MAGI2: variants seen among roughly 807,000 people sequenced by gnomAD.
The protein encoded by MAGI2 is membrane-associated guanylate kinase, WW and PDZ domain-containing protein 2.
A neutral mutation model predicts 133.3 loss-of-function variants in MAGI2; 35 were observed. The ratio of observed to expected loss-of-function variants is 0.26; its 90% CI spans 0.20 to 0.35. MAGI2 has a LOEUF of 0.35. Ranked by LOEUF, MAGI2 falls within the 10% of genes least tolerant of loss-of-function variation. MAGI2 has a pLI of 1.00. For synonymous variants in MAGI2, 729 were observed against 710.6 expected, an observed-to-expected ratio of 1.03 and a Z score of -0.41; for missense variants, 1,636 against 1,863.4, an observed-to-expected ratio of 0.88 and a Z score of 2.25.
chr7:78,775,944 G>A (rs971014546), intron 2 of MAGI2, among the ~76,000 whole-genome samples: 2 of 152,068 alleles, frequency 1.3e-5, no homozygotes, highest in African/African-American at 4.8e-5. Context: ...TTCTACTCTC[G>A]TGTGAACCTG....
At chr7:79,125,713 C>G in intron 1 of MAGI2, 5 of 527,196 alleles carry the variant, frequency 9.5e-6, no homozygotes, top group South Asian at 6.9e-5. Context: ...GGCAGAAGCT[C>G]TGGCCCCTAT....
chr7:78,230,493 A>C (rs766170334), intron 10 of MAGI2, among the ~76,000 whole-genome samples: 18 of 152,098 alleles, frequency 1.2e-4, no homozygotes, highest in Non-Finnish European at 2.2e-4. Context: ...TTTTTTTTAG[A>C]GAATAACTTT....
intron 1 of MAGI2, among the ~76,000 whole-genome samples, chr7:79,270,105 C>T (rs1834772415): frequency 1.3e-5 from 2 of 152,066 alleles, no homozygotes; most frequent in African/African-American, 4.8e-5. Context: ...GTCCTGCGGC[C>T]CCACCCAGAG....
chr7:79,427,824 T>C (rs1847500020), intron 1 of MAGI2, among the ~76,000 whole-genome samples: 1 of 151,898 alleles, frequency 6.6e-6, no homozygotes, highest in Non-Finnish European at 1.5e-5. Context: ...ACTTGCTGGA[T>C]GGATTGGGCA....
chr7:78,562,034 A>AG (rs1229680902), intron 3 of MAGI2, among the ~76,000 whole-genome samples: 3 of 152,134 alleles, frequency 2.0e-5, no homozygotes, highest in African/African-American at 7.2e-5. Flanking sequence ...AGTTTGTGAA[A>AG]GATTCACAAA....
chr7:78,322,095 G>A (rs1234011774), intron 9 of MAGI2, among the ~76,000 whole-genome samples: 6 of 152,116 alleles, frequency 3.9e-5, no homozygotes, highest in African/African-American at 1.2e-4. Context: ...GGTGATCATT[G>A]AAAAGTCAGG....
chr7:79,400,546 A>G (rs1845395993), intron 1 of MAGI2, among the ~76,000 whole-genome samples: 2 of 152,204 alleles, frequency 1.3e-5, no homozygotes, highest in African/African-American at 4.8e-5. Flanking sequence ...CTGTGGCTTC[A>G]CTGCAGAATT....
chr7:79,326,262 C>T (rs531342422), intron 1 of MAGI2, among the ~76,000 whole-genome samples: 50 of 152,022 alleles, frequency 3.3e-4, no homozygotes, highest in Middle Eastern at 6.8e-3. Flanking sequence ...TAAAATATGA[C>T]GCTTGCATGG....
At chr7:78,479,847 G>A (rs1323183549) in intron 6 of MAGI2, among the ~76,000 whole-genome samples, 4 of 151,780 alleles carry the variant, frequency 2.6e-5, no homozygotes, top group Non-Finnish European at 4.4e-5. Context: ...TCATAAAATT[G>A]CTTTAACAAG....
At chr7:78,047,513 C>T (rs1231501416) in intron 21 of MAGI2, among the ~76,000 whole-genome samples, 1 of 152,228 alleles carries the variant, frequency 6.6e-6, no homozygotes, top group African/African-American at 2.4e-5. Context: ...CCAGCAGTAA[C>T]TCAGGAGCCA....
chr7:79,035,236 C>G (rs1327317335), intron 1 of MAGI2, among the ~76,000 whole-genome samples: 1 of 151,094 alleles, frequency 6.6e-6, no homozygotes, highest in Non-Finnish European at 1.5e-5. Flanking sequence ...GGGTGGTGGG[C>G]CTGTGTGTTG....
chr7:78,941,737 C>CAA (rs1554613269), intron 2 of MAGI2, among the ~76,000 whole-genome samples: 1 of 142,766 alleles, frequency 7.0e-6, no homozygotes, highest in Admixed American at 7.0e-5. Flanking sequence ...ATCACACACA[C>CAA]ACACACACAC....
intron 2 of MAGI2, among the ~76,000 whole-genome samples, chr7:78,931,539 A>G (rs1800121844): frequency 1.3e-5 from 2 of 152,092 alleles, no homozygotes; most frequent in Non-Finnish European, 2.9e-5. Flanking sequence ...AGAGCCTTCT[A>G]CAGAAACATG....
chr7:78,311,135 A>G (rs2151095398), intron 9 of MAGI2, among the ~76,000 whole-genome samples: 1 of 152,338 alleles, frequency 6.6e-6, no homozygotes, highest in Admixed American at 6.5e-5. Flanking sequence ...CTTACATTAC[A>G]CAGCTAATAA....
intron 9 of MAGI2, among the ~76,000 whole-genome samples, chr7:78,319,011 CAT>C (rs1787713585): frequency 1.3e-5 from 2 of 152,198 alleles, no homozygotes; most frequent in Admixed American, 6.5e-5. Flanking sequence ...ACTGCAAAAA[CAT>C]AACAAATTGT....
intron 2 of MAGI2, among the ~76,000 whole-genome samples, chr7:78,633,400 AG>A (rs1162068750): frequency 6.6e-6 from 1 of 152,096 alleles, no homozygotes; most frequent in East Asian, 1.9e-4. Context: ...AGAACCTAAA[AG>A]TTTTTTTTTA....
chr7:79,382,109 C>G (rs1843833940), intron 1 of MAGI2, among the ~76,000 whole-genome samples: 1 of 151,536 alleles, frequency 6.6e-6, no homozygotes, highest in Admixed American at 6.6e-5. Context: ...GAAATAATTC[C>G]CAGTCTCCCC....
intron 1 of MAGI2, among the ~76,000 whole-genome samples, chr7:79,161,332 A>G (rs1824335375): frequency 6.6e-6 from 1 of 152,048 alleles, no homozygotes; most frequent in South Asian, 2.1e-4. Flanking sequence ...GCTAGTCGGG[A>G]CAAATCCTCC....
chr7:78,109,341 A>G (rs1427784877), intron 20 of MAGI2, among the ~76,000 whole-genome samples: 3 of 141,324 alleles, frequency 2.1e-5, no homozygotes, highest in Non-Finnish European at 4.6e-5. Flanking sequence ...AAAAGAAAAA[A>G]GAAAAAAAAA....
Sources: allele counts gnomAD v4.1 joint callset (sites outside exome capture counted in the v4.1 genomes callset), GRCh38; gene constraint gnomAD v4.1.1; transcripts MANE v1.5; gene names NCBI Gene and HGNC (gene_info 2026-07-23, HGNC 2026-07-21).